The following TRIO variants were observed in gnomAD, a reference collection of about 807,000 sequenced individuals.
The protein encoded by TRIO is trio Rho guanine nucleotide exchange factor.
A neutral mutation model predicts 351.9 loss-of-function variants in TRIO; 58 were observed. That is an observed-to-expected ratio of 0.16 (90% confidence interval 0.13 to 0.21). The LOEUF is 0.21. Among genes scored for constraint, TRIO ranks in the 10% least tolerant of loss-of-function variants. The pLI is 1.00. For missense variants in TRIO, 3,201 were observed against 4,027.8 expected (o/e 0.79, Z 5.56); for synonymous variants, 1,758 against 1,595.7 (o/e 1.10, Z -2.42).
At chr5:14,168,420 A>G (rs1004996846) in intron 1 of TRIO, among the ~76,000 whole-genome samples, 2 of 152,264 alleles carry the variant, frequency 1.3e-5, no homozygotes, top group Non-Finnish European at 2.9e-5. Flanking sequence ...TATTTTTAAA[A>G]TAGGAGATTC....
intron 29 of TRIO, among the ~76,000 whole-genome samples, chr5:14,398,439 G>A (rs1747794165): frequency 1.3e-5 from 2 of 152,178 alleles, no homozygotes. Flanking sequence ...GTCTGGGAAG[G>A]ATGCTCTGGG....
chr5:14,216,206 A>G (rs2152201330), intron 1 of TRIO, among the ~76,000 whole-genome samples: 1 of 152,264 alleles, frequency 6.6e-6, no homozygotes, highest in East Asian at 1.9e-4. Flanking sequence ...CATAAGTTCA[A>G]GAGTTCTTTG....
At chr5:14,280,581 C>T in intron 3 of TRIO, 145 bp downstream of exon 3, 1 of 714,824 alleles carries the variant, frequency 1.4e-6, no homozygotes. Flanking sequence ...ACCTTATTAC[C>T]ATTTTGTGAC....
chr5:14,433,918 C>G (rs1751385127), intron 34 of TRIO, among the ~76,000 whole-genome samples: 1 of 152,144 alleles, frequency 6.6e-6, no homozygotes, highest in African/African-American at 2.4e-5. Flanking sequence ...AATAGAAAGA[C>G]TTCAGGTCCT....
chr5:14,252,147 A>G (rs1794782476), intron 1 of TRIO, among the ~76,000 whole-genome samples: 1 of 152,232 alleles, frequency 6.6e-6, no homozygotes, highest in Non-Finnish European at 1.5e-5. Context: ...ATTTTGTCTC[A>G]TTAAAAATTA....
chr5:14,439,116 A>G (rs531172702), intron 34 of TRIO, among the ~76,000 whole-genome samples: 1 of 152,326 alleles, frequency 6.6e-6, no homozygotes, highest in African/African-American at 2.4e-5. Context: ...CCTGGGTTCA[A>G]GCGATTCTCC....
At chr5:14,217,098 C>G (rs26137) in intron 1 of TRIO, among the ~76,000 whole-genome samples, 1 of 152,062 alleles carries the variant, frequency 6.6e-6, no homozygotes, top group Non-Finnish European at 1.5e-5. Context: ...CCATGCGTCA[C>G]CGAGTTCTCT....
chr5:14,428,041 G>T (rs541985192), intron 34 of TRIO, among the ~76,000 whole-genome samples: 2 of 152,106 alleles, frequency 1.3e-5, no homozygotes, highest in Non-Finnish European at 2.9e-5. Context: ...TTTTTCAGAG[G>T]ACTTGGTTTA....
At chr5:14,400,509 A>G (rs989922446) in intron 30 of TRIO, among the ~76,000 whole-genome samples, 1 of 152,216 alleles carries the variant, frequency 6.6e-6, no homozygotes, top group African/African-American at 2.4e-5. Context: ...AGCTAATGCT[A>G]TTGATAAAGA....
At chr5:14,391,473 A>G (rs748655670) in intron 27 of TRIO, among the ~76,000 whole-genome samples, 4 of 152,264 alleles carry the variant, frequency 2.6e-5, no homozygotes, top group Admixed American at 6.5e-5. Flanking sequence ...AAATAGTGCC[A>G]TAACAACTAG....
chr5:14,317,985 G>GGT (rs1025118491), intron 9 of TRIO, among the ~76,000 whole-genome samples: 2 of 152,208 alleles, frequency 1.3e-5, no homozygotes, highest in Non-Finnish European at 2.9e-5. Context: ...AAATTAGCCA[G>GGT]GTGTGGTGGC....
At chr5:14,354,811 A>G (rs1258309963) in intron 11 of TRIO, among the ~76,000 whole-genome samples, 1 of 152,120 alleles carries the variant, frequency 6.6e-6, no homozygotes, top group Non-Finnish European at 1.5e-5. Flanking sequence ...GATTAGTACT[A>G]TAGTTATCAC....
chr5:14,195,152 C>T (rs757921012), intron 1 of TRIO, among the ~76,000 whole-genome samples: 6 of 152,166 alleles, frequency 3.9e-5, no homozygotes, highest in Admixed American at 6.5e-5. Context: ...TTCTCTATTT[C>T]GTGCAGTATC....
Position 14,508,404 on chromosome 5 carries a change from G to T in TRIO, c.9276G>T (p.Arg3092Ser). ...IRSIKNFLQS[R>S]LLPRV Reference sequence around the variant, plus strand: ...GCATTAAAAACTTTCTGCAGAGCAGGCTTCTGCCTAGAGTTTGACCTATCC... The same window carrying T: ...GCATTAAAAACTTTCTGCAGAGCAGTCTTCTGCCTAGAGTTTGACCTATCC... The change falls in exon 57 of 57, where the codon AGG becomes AGT. Residue 3092 changes from arginine (R) to serine (S), a missense_variant. Arg to Ser is a moderately radical substitution (Grantham distance 110). This residue lies in a region of TRIO where 233 missense variants were observed against 292.6 expected (regional missense o/e 0.80). Transcript: ENST00000344204. 1 of 1,609,632 alleles carries T rather than the reference G, an allele frequency of 6.2e-7. No individual in the cohort carries two copies. Among genetic ancestry groups the T allele is most frequent in the Non-Finnish European group, 8.5e-7 (1 of 1,176,872 alleles).
In TRIO at chr5:14,487,813, C is replaced by T. The variant is rs1004428168; in HGVS notation, c.7185C>T (p.Pro2395=). The T allele has an allele frequency of 3.4e-6, 5 of 1,456,796 alleles. No homozygotes were observed. The highest frequency in any genetic ancestry group is 2.7e-5 in the Admixed American group (1 of 36,872). 90.2% of individuals were successfully genotyped at this position (1,456,796 alleles called of 1,614,324 possible). ...CCAGCGCGCCCAGCAGGCGGCCCCCCGGCGCGGACGCCGAGGGGTCCGAGC... is the reference window on the plus strand; with the variant it reads ...CCAGCGCGCCCAGCAGGCGGCCCCCTGGCGCGGACGCCGAGGGGTCCGAGC... The part of the protein sequence containing the change: ...AGPSAPSRRP[P]GADAEGSERE... The change falls in exon 48 of 57, where the codon CCC becomes CCT. Residue 2395 remains proline, a synonymous_variant. Coordinates refer to ENST00000344204, the MANE Select transcript of TRIO (RefSeq NM_007118.4).
chr5:14,473,177 G>C (rs191626174), intron 39 of TRIO, among the ~76,000 whole-genome samples: 29 of 152,300 alleles, frequency 1.9e-4, no homozygotes, highest in African/African-American at 7.0e-4. Context: ...AAGCACTGTA[G>C]CCATAGCAAA....
chr5:14,212,313 T>A lies in TRIO; in HGVS notation c.158-58512T>A, dbSNP rs557680121. ...GAAAAATTTCCAGCTCGCCCAAGTA[T>A]GTTGATTTGGTGCCTGGGCTGGTGG... On this transcript the variant is annotated intron_variant, in intron 1 of 56. Coordinates refer to ENST00000344204, the MANE Select transcript of TRIO (RefSeq NM_007118.4). 2.0e-5 allele frequency among the ~76,000 whole-genome samples: 3 copies of A among 152,144 alleles called. No homozygotes were observed. The South Asian group carries it at 6.2e-4, about 32-fold the overall frequency.
intron 11 of TRIO, among the ~76,000 whole-genome samples, chr5:14,337,035 G>T (rs888971458): frequency 6.6e-6 from 1 of 152,238 alleles, no homozygotes; most frequent in Non-Finnish European, 1.5e-5. Context: ...GGTCAGAGCT[G>T]TTGGGTCTCC....
At chr5:14,441,078 G>A (rs906309016) in intron 34 of TRIO, 5 of 152,428 alleles carry the variant, frequency 3.3e-5, no homozygotes, top group Non-Finnish European at 7.3e-5. Context: ...GCCGGCCGCT[G>A]AGCAACACGC....
Sources: gnomAD v4.1 joint callset for allele counts (sites outside exome capture counted in the v4.1 genomes callset) on GRCh38, gnomAD v4.1.1 for gene constraint, gnomAD v4.1.1 regional missense constraint, MANE v1.5 for transcripts, NCBI Gene and HGNC (gene_info 2026-07-23, HGNC 2026-07-21) for gene names.